RTN1: variants seen among roughly 807,000 people sequenced by gnomAD.
The protein encoded by RTN1 is reticulon-1.
A neutral mutation model predicts 65.5 loss-of-function variants in RTN1; 25 were observed. The ratio of observed to expected loss-of-function variants is 0.38; its 90% CI spans 0.28 to 0.53. The LOEUF is 0.53. RTN1 is among the 20% of genes least tolerant of loss of function. RTN1 has a pLI of 0.79. For missense variants in RTN1, 983 were observed against 1,025.4 expected (o/e 0.96, Z 0.57); for synonymous variants, 471 against 447.6 (o/e 1.05, Z -0.66).
At chr14:59,788,732 G>A (rs973332562) in intron 1 of RTN1, among the ~76,000 whole-genome samples, 1 of 152,092 alleles carries the variant, frequency 6.6e-6, no homozygotes, top group Non-Finnish European at 1.5e-5. Context: ...GCTCTAAGCT[G>A]TCTGGGTTAC....
At chr14:59,704,051 T>C (rs891191290) in intron 3 of RTN1, among the ~76,000 whole-genome samples, 2 of 152,232 alleles carry the variant, frequency 1.3e-5, no homozygotes, top group Admixed American at 6.5e-5. Context: ...TTCAGCAGCA[T>C]GGAGCTCTTG....
intron 4 of RTN1, 46 bp from the exon 5 acceptor site, chr14:59,605,552 T>G (rs762876394): frequency 6.2e-7 from 1 of 1,605,254 alleles, no homozygotes; most frequent in East Asian, 2.2e-5. Flanking sequence ...GAGGGAATCA[T>G]GAGACAGGCT....
chr14:59,693,913 T>C (rs900871930), intron 3 of RTN1, among the ~76,000 whole-genome samples: 1 of 152,192 alleles, frequency 6.6e-6, no homozygotes, highest in African/African-American at 2.4e-5. Flanking sequence ...TTAGCTAAAA[T>C]AGGAAGTGAG....
chr14:59,750,941 C>T (rs573849492), intron 1 of RTN1, among the ~76,000 whole-genome samples: 18 of 150,764 alleles, frequency 1.2e-4, no homozygotes, highest in East Asian at 5.9e-4. Context: ...CTGTCTTGAA[C>T]TCCTGGGCTC....
At chr14:59,639,721 C>A (rs1882737221) in intron 3 of RTN1, among the ~76,000 whole-genome samples, 1 of 152,110 alleles carries the variant, frequency 6.6e-6, no homozygotes, top group Non-Finnish European at 1.5e-5. Flanking sequence ...TCCCAGTTTT[C>A]TGAGAGTTTT....
intron 3 of RTN1, among the ~76,000 whole-genome samples, chr14:59,662,556 A>G (rs1237130018): frequency 1.3e-5 from 2 of 152,068 alleles, no homozygotes; most frequent in Non-Finnish European, 2.9e-5. Context: ...AATCTAGTCT[A>G]TCATTGTTGG....
intron 3 of RTN1, among the ~76,000 whole-genome samples, chr14:59,613,422 C>T (rs1182367940): frequency 6.6e-6 from 1 of 152,110 alleles, no homozygotes; most frequent in Non-Finnish European, 1.5e-5. Flanking sequence ...CCTCAGCCTC[C>T]CAAGTAGCTA....
intron 3 of RTN1, among the ~76,000 whole-genome samples, chr14:59,668,810 T>C (rs1883437951): frequency 6.6e-6 from 1 of 152,176 alleles, no homozygotes; most frequent in Admixed American, 6.5e-5. Context: ...GAACAGACAC[T>C]TCTCAAAAGA....
intron 1 of RTN1, among the ~76,000 whole-genome samples, chr14:59,812,458 T>C (rs987906584): frequency 3.5e-4 from 54 of 152,284 alleles, no homozygotes; most frequent in African/African-American, 1.1e-3. Flanking sequence ...GTGTTGCAGC[T>C]TGTAGGTTAT....
At chr14:59,823,192 G>A (rs1264517817) in intron 1 of RTN1, among the ~76,000 whole-genome samples, 1 of 152,022 alleles carries the variant, frequency 6.6e-6, no homozygotes, top group Non-Finnish European at 1.5e-5. Context: ...ATGCTCCAAT[G>A]TTGGGTGCAT....
chr14:59,797,259 G>GTTGCTTAT (rs1419821566), intron 1 of RTN1, among the ~76,000 whole-genome samples: 6 of 152,180 alleles, frequency 3.9e-5, no homozygotes, highest in African/African-American at 1.2e-4. Context: ...TATAAGCACA[G>GTTGCTTAT]AGAGTATGGG....
rs1885215876 is a variant in RTN1 at position 59,746,072 on chromosome 14, A to G, written c.651T>C (p.Asp217=). ...HQEQHHPELE[D]KDLDFKNKDT... is the part of the protein sequence containing the mutation. ...CTTTATTCTTAAAGTCCAAGTCTTT[A>G]TCTTCCAGCTCGGGGTGATGTTGTT... The change falls in exon 2 of 9, where the codon GAT becomes GAC. Residue 217 remains aspartate (D), a synonymous_variant. Transcript: ENST00000267484. 2 of 1,613,978 alleles carry G rather than the reference A, an allele frequency of 1.2e-6. No individual in the cohort carries two copies. Among genetic ancestry groups the G allele is most frequent in the Non-Finnish European group, 1.7e-6 (2 of 1,180,016 alleles).
chr14:59,726,180 C>T (rs1051412747), intron 3 of RTN1, among the ~76,000 whole-genome samples: 2 of 152,264 alleles, frequency 1.3e-5, no homozygotes, highest in Middle Eastern at 3.4e-3. Context: ...CTCTTGTACA[C>T]GTATAATGTC....
At chr14:59,665,823 A>G (rs1227195641) in intron 3 of RTN1, among the ~76,000 whole-genome samples, 4 of 152,214 alleles carry the variant, frequency 2.6e-5, no homozygotes, top group Non-Finnish European at 4.4e-5. Flanking sequence ...TTAAACCAAC[A>G]AAGATCAAAA....
At chr14:59,627,993 T>C (rs1882445323) in intron 3 of RTN1, among the ~76,000 whole-genome samples, 2 of 151,922 alleles carry the variant, frequency 1.3e-5, no homozygotes, top group African/African-American at 4.8e-5. Flanking sequence ...TTTTTTTAAA[T>C]TGGTATCCTG....
intron 1 of RTN1, among the ~76,000 whole-genome samples, chr14:59,781,338 T>C (rs141037381): frequency 3.9e-5 from 6 of 152,254 alleles, no homozygotes; most frequent in African/African-American, 1.4e-4. Context: ...ATCTCCAAAG[T>C]GTCAGTCATT....
chr14:59,841,218 A>C (rs1887305429), intron 1 of RTN1, among the ~76,000 whole-genome samples: 1 of 152,226 alleles, frequency 6.6e-6, no homozygotes, highest in Non-Finnish European at 1.5e-5. Flanking sequence ...ATGAAGTAAA[A>C]TGGAGAGTAA....
At chr14:59,630,349 G>A in intron 3 of RTN1, 1 of 1,499,692 alleles carries the variant, frequency 6.7e-7, no homozygotes, top group South Asian at 1.1e-5. Flanking sequence ...TATAAAGCAT[G>A]CACAGGTCCC....
At chr14:59,628,949 G>T (rs1227551223) in intron 3 of RTN1, among the ~76,000 whole-genome samples, 3 of 152,184 alleles carry the variant, frequency 2.0e-5, no homozygotes, top group Non-Finnish European at 4.4e-5. Context: ...AAAATCCAGT[G>T]TTTATGTCCA....
Sources: allele counts gnomAD v4.1 joint callset (sites outside exome capture counted in the v4.1 genomes callset), GRCh38; gene constraint gnomAD v4.1.1; transcripts MANE v1.5; gene names NCBI Gene and HGNC (gene_info 2026-07-23, HGNC 2026-07-21).